The following DCDC2 variants were observed in gnomAD, a reference collection of about 807,000 sequenced individuals.
DCDC2 encodes the protein doublecortin domain containing 2, also known as doublecortin domain-containing protein 2.
A neutral mutation model predicts 50.2 loss-of-function variants in DCDC2; 40 were observed. The observed-to-expected ratio is 0.80, with a 90% CI of 0.62 to 1.04. DCDC2 has a LOEUF of 1.04. DCDC2 is among the 50% of genes least tolerant of loss of function. DCDC2 has a pLI of 0.00. For missense variants in DCDC2, 570 were observed against 581.9 expected (o/e 0.98, Z 0.21); for synonymous variants, 234 against 210.6 (o/e 1.11, Z -0.96).
intron 7 of DCDC2, among the ~76,000 whole-genome samples, chr6:24,209,354 C>T (rs77416101): frequency 0.015 from 2,316 of 152,210 alleles, 63 homozygotes; most frequent in African/African-American, 0.051. Context: ...TTATTATGTG[C>T]CATGGTTGTC....
At position 24,324,881 on chromosome 6, in the gene DCDC2, T is replaced by TAA. The variant is rs111539475; in HGVS notation, c.349-22839_349-22838dup. ...ATGGCTGACAGAGCAAGAGCTTGTC[T>TAA]AAAAAAAAAAAACAAAGAAAGACAG... On this transcript the variant is annotated intron_variant, in intron 2 of 9. Transcript: ENST00000378454. Among the ~76,000 whole-genome samples, 84 of 134,098 alleles carry TAA rather than the reference T, an allele frequency of 6.3e-4. 1 individual carries two copies. The highest frequency in any genetic ancestry group is 2.1e-3 in the African/African-American group (77 of 36,284). 88.0% of individuals were successfully genotyped at this position (134,098 alleles called of 152,430 possible).
chr6:24,177,699 A>G (rs1326045864), intron 9 of DCDC2, among the ~76,000 whole-genome samples: 1 of 152,202 alleles, frequency 6.6e-6, no homozygotes, highest in East Asian at 1.9e-4. Flanking sequence ...ATAGAAGAAC[A>G]GGCTAGGAAA....
chr6:24,191,130 T>TATAATTC (rs1347676786), intron 8 of DCDC2, among the ~76,000 whole-genome samples: 76 of 152,344 alleles, frequency 5.0e-4, no homozygotes, highest in Admixed American at 3.3e-3. Flanking sequence ...TATAATTGTT[T>TATAATTC]AGTAAATGCA....
chr6:24,281,673 AG>A (rs1763475441), intron 6 of DCDC2, among the ~76,000 whole-genome samples: 1 of 152,082 alleles, frequency 6.6e-6, no homozygotes, highest in Non-Finnish European at 1.5e-5. Flanking sequence ...GGACAAAGGG[AG>A]AGAGGGAGCT....
At chr6:24,239,490 A>G (rs1406119939) in intron 7 of DCDC2, among the ~76,000 whole-genome samples, 1 of 152,222 alleles carries the variant, frequency 6.6e-6, no homozygotes, top group Non-Finnish European at 1.5e-5. Context: ...TTCTTCTGGT[A>G]ACAAGCACTG....
intron 7 of DCDC2, among the ~76,000 whole-genome samples, chr6:24,206,271 A>T (rs545752333): frequency 1.6e-4 from 25 of 152,142 alleles, no homozygotes; most frequent in Non-Finnish European, 3.1e-4. Context: ...TCCAATGAGG[A>T]GACAGAGATA....
At position 24,318,992 on chromosome 6, in the gene DCDC2, C is replaced by A. The variant is rs376844718; in HGVS notation, c.349-16948G>T. Among the ~76,000 whole-genome samples the A allele has an allele frequency of 5.0e-4, 76 of 152,084 alleles. 1 individual carries two copies. The highest frequency in any genetic ancestry group is 1.8e-3 in the African/African-American group (73 of 41,536). On this transcript the variant is annotated intron_variant, in intron 2 of 9. Coordinates refer to ENST00000378454, the MANE Select transcript of DCDC2 (RefSeq NM_016356.5). ...CTGAATGGTAGTTCTATTTTTAGTT[C>A]TTTGAGAAATCTCCATTATTTTCCA...
At chr6:24,268,332 C>T (rs1763169677) in intron 7 of DCDC2, among the ~76,000 whole-genome samples, 2 of 152,176 alleles carry the variant, frequency 1.3e-5, no homozygotes. Context: ...ACTAAAAATA[C>T]AAAAATTAGC....
At chr6:24,291,737 G>A (rs898340540) in intron 4 of DCDC2, among the ~76,000 whole-genome samples, 3 of 151,764 alleles carry the variant, frequency 2.0e-5, no homozygotes, top group Admixed American at 6.6e-5. Context: ...CGCCCGCCTC[G>A]GCCTCCCAAA....
chr6:24,278,025 T>G, intron 7 of DCDC2, 24 bp downstream of exon 7: 1 of 1,572,822 alleles, frequency 6.4e-7, no homozygotes, highest in Non-Finnish European at 8.7e-7. Context: ...TATCACAGCC[T>G]TAAGATAATA....
At chr6:24,273,282 G>A (rs75827430) in intron 7 of DCDC2, among the ~76,000 whole-genome samples, 16 of 152,094 alleles carry the variant, frequency 1.1e-4, no homozygotes, top group African/African-American at 3.1e-4. Context: ...TCGGAAAGGC[G>A]GAAGGGTGGG....
chr6:24,301,590 C>A, intron 4 of DCDC2, 125 bp downstream of exon 4: 6 of 1,050,064 alleles, frequency 5.7e-6, no homozygotes, highest in African/African-American at 1.6e-5. Context: ...GATAAAGAAA[C>A]TGAGGCATAC....
the DCDC2 span, among the ~76,000 whole-genome samples, chr6:24,370,941 T>G: frequency 6.6e-6 from 1 of 151,994 alleles, no homozygotes; most frequent in Admixed American, 6.6e-5. Context: ...AAAAAAACCC[T>G]ACAAACTGGA....
chr6:24,236,500 C>T (rs967637488), intron 7 of DCDC2, among the ~76,000 whole-genome samples: 1 of 152,142 alleles, frequency 6.6e-6, no homozygotes, highest in Admixed American at 6.6e-5. Flanking sequence ...GAATTTATGG[C>T]TAAATCCTCA....
At chr6:24,220,611 G>A (rs1762077370) in intron 7 of DCDC2, among the ~76,000 whole-genome samples, 1 of 152,152 alleles carries the variant, frequency 6.6e-6, no homozygotes, top group African/African-American at 2.4e-5. Flanking sequence ...TGAGTATTCT[G>A]GATCAGGATG....
intron 7 of DCDC2, among the ~76,000 whole-genome samples, chr6:24,231,282 G>T (rs192352970): frequency 6.6e-6 from 1 of 152,188 alleles, no homozygotes; most frequent in African/African-American, 2.4e-5. Flanking sequence ...TGCCTGACCT[G>T]CTCACCCCCA....
intron 7 of DCDC2, among the ~76,000 whole-genome samples, chr6:24,251,928 C>T (rs1212738306): frequency 6.6e-6 from 1 of 152,176 alleles, no homozygotes; most frequent in African/African-American, 2.4e-5. Flanking sequence ...TTCATCATCT[C>T]CAATGCCTTG....
At chr6:24,321,972 C>G (rs759979746) in intron 2 of DCDC2, among the ~76,000 whole-genome samples, 17 of 152,170 alleles carry the variant, frequency 1.1e-4, no homozygotes, top group Non-Finnish European at 2.5e-4. Flanking sequence ...GTAGCCTCTA[C>G]TTGGCTATCT....
intron 2 of DCDC2, among the ~76,000 whole-genome samples, chr6:24,332,268 A>AG (rs5874975): frequency 0.31 from 47,249 of 151,990 alleles, 8,906 homozygotes; most frequent in African/African-American, 0.53. Flanking sequence ...CTGGAAGAAT[A>AG]AATGCAATAG....
Sources: allele counts gnomAD v4.1 joint callset (sites outside exome capture counted in the v4.1 genomes callset), GRCh38; gene constraint gnomAD v4.1.1; transcripts MANE v1.5; gene names NCBI Gene and HGNC (gene_info 2026-07-23, HGNC 2026-07-21).